The following PTPRN2 variants were observed in gnomAD, a reference collection of about 807,000 sequenced individuals.
PTPRN2 encodes the protein protein tyrosine phosphatase receptor type N2, also known as receptor-type tyrosine-protein phosphatase N2.
PTPRN2 carries 74 observed loss-of-function variants against 118.8 expected under a neutral mutation model. That is an observed-to-expected ratio of 0.62 (90% CI 0.52 to 0.76). The LOEUF is 0.76. Among genes scored for constraint, PTPRN2 ranks in the 30% least tolerant of loss-of-function variants. PTPRN2 has a pLI of 0.00. For synonymous variants in PTPRN2, 641 were observed against 608.0 expected (o/e 1.05, Z -0.80); for missense variants, 1,481 against 1,394.4 (o/e 1.06, Z -0.99).
intron 10 of PTPRN2, among the ~76,000 whole-genome samples, chr7:158,097,436 C>T (rs1047928762): frequency 5.9e-5 from 9 of 152,238 alleles, no homozygotes; most frequent in African/African-American, 2.2e-4. Context: ...AAACGCTTCT[C>T]CCACCAGGAG....
intron 2 of PTPRN2, among the ~76,000 whole-genome samples, chr7:158,386,770 C>A (rs1253615952): frequency 6.6e-6 from 1 of 152,228 alleles, no homozygotes; most frequent in Non-Finnish European, 1.5e-5. Flanking sequence ...TCACAGGCTC[C>A]TACTGCATCG....
At chr7:158,110,159 C>T (rs1816107114) in intron 10 of PTPRN2, among the ~76,000 whole-genome samples, 1 of 152,262 alleles carries the variant, frequency 6.6e-6, no homozygotes, top group Non-Finnish European at 1.5e-5. Flanking sequence ...TACCCTCCCT[C>T]TTCTCTCTGA....
intron 1 of PTPRN2, among the ~76,000 whole-genome samples, chr7:158,552,598 C>G (rs969230373): frequency 6.6e-6 from 1 of 152,134 alleles, no homozygotes; most frequent in African/African-American, 2.4e-5. Context: ...AGGCACCCAC[C>G]ACCATGCCCT....
chr7:158,252,388 G>A (rs907422405), intron 3 of PTPRN2, among the ~76,000 whole-genome samples: 1 of 152,120 alleles, frequency 6.6e-6, no homozygotes, highest in African/African-American at 2.4e-5. Context: ...AGATGAAGGC[G>A]GCCAACTGGG....
intron 11 of PTPRN2, among the ~76,000 whole-genome samples, chr7:157,993,654 G>A (rs1804425750): frequency 6.6e-6 from 1 of 152,192 alleles, no homozygotes; most frequent in Non-Finnish European, 1.5e-5. Flanking sequence ...TTTCATGCAA[G>A]AGAGGGGCAG....
intron 12 of PTPRN2, among the ~76,000 whole-genome samples, chr7:157,699,317 G>A (rs1408337095): frequency 6.6e-6 from 1 of 152,196 alleles, no homozygotes; most frequent in African/African-American, 2.4e-5. Context: ...TACTGAGAAG[G>A]AAAATCAAAT....
At chr7:158,034,640 T>C (rs1452760258) in intron 11 of PTPRN2, among the ~76,000 whole-genome samples, 1 of 152,118 alleles carries the variant, frequency 6.6e-6, no homozygotes, top group East Asian at 1.9e-4. Flanking sequence ...TTATCAGCAG[T>C]GTGAAAAAAA....
In PTPRN2 at chr7:157,868,876, C is replaced by T. The variant is rs73165876; in HGVS notation, c.1788+29797G>A. On this transcript the variant is annotated intron_variant, in intron 12 of 22. Transcript: ENST00000389418. This position sits in a 1 kb window ranked among gnomAD's most constrained non-coding sequence, Gnocchi z 5.2. ...ACTCAAGGCCAGGAGGGTCACACAA[C>T]CCATTTAGCATTGCCTAGCACCAGT... The T allele has an allele frequency of 3.2e-3, 486 of 152,278 alleles. 2 individuals are homozygous for T. Among genetic ancestry groups the T allele is most frequent in the Non-Finnish European group, 2.4e-3 (165 of 68,036 alleles). 9.4% of individuals were successfully genotyped at this position (152,278 alleles called of 1,614,324 possible).
chr7:158,071,536 TGATGGA>T (rs1811668079), intron 11 of PTPRN2, among the ~76,000 whole-genome samples: 1 of 117,466 alleles, frequency 8.5e-6, no homozygotes, highest in African/African-American at 3.5e-5. Flanking sequence ...ATGCTCGTGA[TGATGGA>T]GGTGCTCCTG....
chr7:157,570,266 T>C (rs912551529), intron 20 of PTPRN2, among the ~76,000 whole-genome samples: 3 of 151,794 alleles, frequency 2.0e-5, no homozygotes, highest in African/African-American at 7.3e-5. Context: ...TTCACATGAA[T>C]ATTTTAAGAT....
At position 157,670,435 on chromosome 7, in the gene PTPRN2, G is replaced by C. The variant is rs182582781; in HGVS notation, c.2001+12290C>G. Among the ~76,000 whole-genome samples, 4 of 152,328 alleles carry C rather than the reference G, an allele frequency of 2.6e-5. No individual in the cohort carries two copies. In the East Asian group the frequency reaches 7.7e-4, roughly 29 times the overall value. On this transcript the variant is annotated intron_variant, in intron 13 of 22. Transcript: ENST00000389418. Reference sequence around the variant, plus strand: ...GTTGTGAAAATAAAGACATTGGAAGGAAACACAGAATTTTAATGAGCATCT... The same window carrying C: ...GTTGTGAAAATAAAGACATTGGAAGCAAACACAGAATTTTAATGAGCATCT...
At chr7:157,811,760 C>T (rs927116781) in intron 12 of PTPRN2, among the ~76,000 whole-genome samples, 4 of 152,192 alleles carry the variant, frequency 2.6e-5, no homozygotes, top group Non-Finnish European at 5.9e-5. Context: ...AGCCTCCCCT[C>T]ATCTGACGAG....
intron 3 of PTPRN2, among the ~76,000 whole-genome samples, chr7:158,268,292 C>T (rs1251453101): frequency 2.0e-5 from 3 of 147,440 alleles, no homozygotes; most frequent in African/African-American, 7.6e-5. Context: ...CAGACGCGTG[C>T]ACACGGGGCG....
intron 19 of PTPRN2, chr7:157,574,492 CAAG>C: frequency 6.8e-6 from 3 of 442,154 alleles, no homozygotes; most frequent in Non-Finnish European, 5.0e-6. Flanking sequence ...TTGCACACAG[CAAG>C]AAGGGAGAGA....
intron 3 of PTPRN2, among the ~76,000 whole-genome samples, chr7:158,215,418 G>A (rs1235732824): frequency 3.3e-5 from 5 of 152,122 alleles, no homozygotes; most frequent in Non-Finnish European, 7.3e-5. Context: ...TCAAAAAGAG[G>A]AGTGAAAGAA....
intron 11 of PTPRN2, among the ~76,000 whole-genome samples, chr7:158,002,725 G>C (rs746289608): frequency 6.6e-6 from 1 of 152,158 alleles, no homozygotes. Flanking sequence ...AGGACGTTTC[G>C]GGCAGGTCAG....
At chr7:158,240,185 T>C (rs1303892959) in intron 3 of PTPRN2, among the ~76,000 whole-genome samples, 1 of 152,162 alleles carries the variant, frequency 6.6e-6, no homozygotes, top group African/African-American at 2.4e-5. Flanking sequence ...TGGAGGAAGT[T>C]GGCTTAGTAT....
chr7:157,725,566 A>ACG (rs1325066412), intron 12 of PTPRN2, among the ~76,000 whole-genome samples: 8 of 132,802 alleles, frequency 6.0e-5, no homozygotes, highest in African/African-American at 2.2e-4. Context: ...CACGCAGAGG[A>ACG]GTGAGCCAGA....
At chr7:158,183,686 G>A (rs564867133) in intron 5 of PTPRN2, among the ~76,000 whole-genome samples, 8 of 152,282 alleles carry the variant, frequency 5.3e-5, no homozygotes, top group Non-Finnish European at 7.4e-5. Context: ...TTAAGGTCCC[G>A]CCCCCATGGG....
Sources: allele counts gnomAD v4.1 joint callset (sites outside exome capture counted in the v4.1 genomes callset), GRCh38; gene constraint gnomAD v4.1.1; non-coding constraint Gnocchi (gnomAD v3.1); transcripts MANE v1.5; gene names NCBI Gene and HGNC (gene_info 2026-07-23, HGNC 2026-07-21).